Variants in SHTN1 observed in about 807,000 individuals in gnomAD.
SHTN1 encodes the protein shootin-1.
SHTN1 carries 42 observed loss-of-function variants against 83.1 expected under a neutral mutation model. The ratio of observed to expected loss-of-function variants is 0.51; its 90% CI spans 0.39 to 0.65. SHTN1 has a LOEUF of 0.65. Ranked by LOEUF, SHTN1 falls within the 30% of genes least tolerant of loss-of-function variation. The pLI, the probability that SHTN1 is intolerant of heterozygous loss-of-function variation, is 0.00. For synonymous variants in SHTN1, 224 were observed against 247.7 expected (o/e 0.90, Z 0.90); for missense variants, 622 against 737.8 (o/e 0.84, Z 1.82).
At chr10:117,039,713 CGT>C (rs1852555406) in intron 2 of SHTN1, among the ~76,000 whole-genome samples, 1 of 151,658 alleles carries the variant, frequency 6.6e-6, no homozygotes, top group Non-Finnish European at 1.5e-5. Context: ...ATTAGCCGGG[CGT>C]GGTGGTGGGC....
chr10:116,949,840 A>G (rs910383602), intron 6 of SHTN1, among the ~76,000 whole-genome samples: 3 of 152,200 alleles, frequency 2.0e-5, no homozygotes, highest in Non-Finnish European at 2.9e-5. Flanking sequence ...TCTATCAACG[A>G]AAGAGAATAC....
At chr10:117,075,157 AG>A (rs1355885545) in intron 1 of SHTN1, among the ~76,000 whole-genome samples, 1 of 152,152 alleles carries the variant, frequency 6.6e-6, no homozygotes, top group Non-Finnish European at 1.5e-5. Flanking sequence ...TCCTTTCCCC[AG>A]AGTTTCAACA....
At chr10:116,993,237 G>A (rs918008692) in intron 1 of SHTN1, among the ~76,000 whole-genome samples, 3 of 151,812 alleles carry the variant, frequency 2.0e-5, no homozygotes, top group Non-Finnish European at 4.4e-5. Flanking sequence ...GGATGGTCTC[G>A]ATCTCCTGAC....
Position 116,906,722 on chromosome 10 carries a change from G to C in SHTN1, c.1385C>G (p.Ser462Ter). 6.2e-7 allele frequency: 1 copy of C among 1,612,444 alleles called. No homozygotes were observed. The highest frequency in any genetic ancestry group is 8.5e-7 in the Non-Finnish European group (1 of 1,179,214). The change falls in exon 15 of 17, where the codon TCA becomes TGA. Residue 462 changes from serine to a stop codon, truncating the protein, a stop_gained. Coordinates refer to ENST00000355371, the MANE Select transcript of SHTN1 (RefSeq NM_001127211.3). LOFTEE classifies it high-confidence loss of function. ...ILGTLNKSTS[S>*]RSLKSLDPEN... ...AGGGTCAAGGGATTTTAAGCTTCTT[G>C]AACTAGTGGATTTGTTAAGTGTCCC...
chr10:116,919,730 A>G (rs763557084), intron 12 of SHTN1, among the ~76,000 whole-genome samples: 1 of 152,218 alleles, frequency 6.6e-6, no homozygotes, highest in Admixed American at 6.5e-5. Context: ...AGGGCCACCC[A>G]GCAAATCACC....
chr10:116,911,587 C>T (rs757736545), intron 14 of SHTN1: 12 of 1,550,916 alleles, frequency 7.7e-6, no homozygotes, highest in Non-Finnish European at 1.0e-5. Context: ...TCTTTTAGAA[C>T]AAAAACAGCA....
At chr10:117,107,536 C>T (rs1171468151) in intron 1 of SHTN1, among the ~76,000 whole-genome samples, 1 of 152,170 alleles carries the variant, frequency 6.6e-6, no homozygotes, top group African/African-American at 2.4e-5. Flanking sequence ...ATTACCAAAT[C>T]AGTAAAGTGT....
chr10:117,040,883 T>A (rs1348695438), intron 2 of SHTN1, among the ~76,000 whole-genome samples: 1 of 151,934 alleles, frequency 6.6e-6, no homozygotes, highest in Non-Finnish European at 1.5e-5. Flanking sequence ...CATATTAAAA[T>A]AGTTTTGTAA....
intron 11 of SHTN1, among the ~76,000 whole-genome samples, chr10:116,923,582 G>T (rs1269303958): frequency 3.3e-5 from 5 of 151,214 alleles, no homozygotes; most frequent in Admixed American, 2.6e-4. Flanking sequence ...TTGAGACAGG[G>T]TCTCACTCTG....
chr10:116,945,944 C>T (rs1849558791), intron 7 of SHTN1, among the ~76,000 whole-genome samples: 1 of 152,064 alleles, frequency 6.6e-6, no homozygotes, highest in South Asian at 2.1e-4. Flanking sequence ...ATGAATCTCA[C>T]AAACACAAAA....
At chr10:116,932,245 T>C (rs1022477844) in intron 9 of SHTN1, among the ~76,000 whole-genome samples, 1 of 152,184 alleles carries the variant, frequency 6.6e-6, no homozygotes, top group African/African-American at 2.4e-5. Flanking sequence ...TACTGGTCCA[T>C]GGCCTGTTAG....
chr10:116,983,635 G>C (rs1459804634), intron 1 of SHTN1, among the ~76,000 whole-genome samples: 3 of 127,222 alleles, frequency 2.4e-5, no homozygotes, highest in Admixed American at 2.3e-4. Flanking sequence ...TGGGCATCCA[G>C]ATAGATAGAT....
At chr10:117,081,083 T>C (rs879279020) in intron 1 of SHTN1, among the ~76,000 whole-genome samples, 3,786 of 151,048 alleles carry the variant, frequency 0.025, 76 homozygotes, top group Admixed American at 0.045. Flanking sequence ...TGAATAGGAG[T>C]GGTGAGAGAG....
chr10:117,074,553 T>G (rs1391060580), intron 1 of SHTN1, among the ~76,000 whole-genome samples: 3 of 152,244 alleles, frequency 2.0e-5, no homozygotes, highest in Non-Finnish European at 2.9e-5. Flanking sequence ...ACCACTGCAC[T>G]TCAGTGATAC....
chr10:117,026,764 GC>G (rs978485992), intron 2 of SHTN1, among the ~76,000 whole-genome samples: 7 of 152,184 alleles, frequency 4.6e-5, no homozygotes, highest in Non-Finnish European at 1.0e-4. Context: ...CTAGTCCCCA[GC>G]TCCCAGATGG....
chr10:117,099,128 T>G (rs76228171), intron 1 of SHTN1, among the ~76,000 whole-genome samples: 3,425 of 151,366 alleles, frequency 0.023, 125 homozygotes, highest in East Asian at 0.12. Context: ...CACTCAGGAA[T>G]GGAAAAAAAT....
intron 1 of SHTN1, among the ~76,000 whole-genome samples, chr10:117,110,655 C>T (rs1197624025): frequency 6.6e-6 from 1 of 152,054 alleles, no homozygotes; most frequent in East Asian, 1.9e-4. Flanking sequence ...GCCACCGTAC[C>T]CAGCTGCAAC....
intron 10 of SHTN1, among the ~76,000 whole-genome samples, chr10:116,928,907 C>T (rs930299930): frequency 3.3e-5 from 5 of 152,166 alleles, no homozygotes; most frequent in African/African-American, 1.2e-4. Flanking sequence ...TAATAGAAGG[C>T]ATTCAGATTT....
intron 1 of SHTN1, among the ~76,000 whole-genome samples, chr10:117,099,349 CA>C (rs11336877): frequency 0.018 from 2,748 of 148,742 alleles, 93 homozygotes; most frequent in African/African-American, 0.064. Flanking sequence ...TCTATATAAC[CA>C]AAAAAAAACC....
Sources: allele counts gnomAD v4.1 joint callset (sites outside exome capture counted in the v4.1 genomes callset), GRCh38; gene constraint gnomAD v4.1.1; transcripts MANE v1.5; gene names NCBI Gene and HGNC (gene_info 2026-07-23, HGNC 2026-07-21).